The following C10orf90 variants were observed in gnomAD, a reference collection of about 807,000 sequenced individuals.
C10orf90 encodes the protein chromosome 10 open reading frame 90.
Under a neutral mutation model 62.5 loss-of-function variants are expected in C10orf90, and 56 were observed. That is an observed-to-expected ratio of 0.90 (90% CI 0.72 to 1.12). The LOEUF (loss-of-function observed/expected upper bound fraction) is 1.12. Ranked by LOEUF, C10orf90 falls within the 50% of genes most tolerant of loss-of-function variation. The probability of loss-of-function intolerance (pLI) is 0.00; values close to 1 mark genes in which losing one functional copy is unlikely to be tolerated. For synonymous variants in C10orf90, 386 were observed against 340.4 expected (o/e 1.13, Z -1.47); for missense variants, 970 against 880.4 (o/e 1.10, Z -1.29).
chr10:126,564,855 TAAAA>T (rs1322210647), intron 2 of C10orf90, among the ~76,000 whole-genome samples: 2 of 23,330 alleles, frequency 8.6e-5, no homozygotes, highest in Admixed American at 1.2e-3. Flanking sequence ...ATATATTATA[TAAAA>T]TATATATTAT....
intron 4 of C10orf90, among the ~76,000 whole-genome samples, chr10:126,469,507 G>A (rs999514020): frequency 6.6e-6 from 1 of 152,106 alleles, no homozygotes; most frequent in African/African-American, 2.4e-5. Context: ...TGCAGAATCT[G>A]GGCCATCTTA....
At chr10:126,429,080 C>A (rs1182685579) in intron 8 of C10orf90, among the ~76,000 whole-genome samples, 3 of 152,138 alleles carry the variant, frequency 2.0e-5, no homozygotes, top group Non-Finnish European at 2.9e-5. Flanking sequence ...CCTCCCTGTG[C>A]TAGACACTTT....
At chr10:126,436,042 G>A (rs1019177951) in intron 7 of C10orf90, among the ~76,000 whole-genome samples, 7 of 152,184 alleles carry the variant, frequency 4.6e-5, no homozygotes, top group African/African-American at 1.7e-4. Flanking sequence ...GAACTGCTAA[G>A]GAAGGCTGGC....
intron 2 of C10orf90, among the ~76,000 whole-genome samples, chr10:126,592,419 C>T (rs1844999637): frequency 1.3e-5 from 2 of 152,152 alleles, no homozygotes; most frequent in South Asian, 4.1e-4. Flanking sequence ...CCTTTGAAAA[C>T]CTGACAAAAA....
At chr10:126,633,613 C>T (rs975005983) in intron 2 of C10orf90, among the ~76,000 whole-genome samples, 1 of 152,208 alleles carries the variant, frequency 6.6e-6, no homozygotes, top group Non-Finnish European at 1.5e-5. Context: ...GTGCATGTTA[C>T]TAGCAAGCGG....
rs553223349 is a variant in C10orf90, at chr10:126,509,161, C to T, written c.406-4076G>A. Among the ~76,000 whole-genome samples, 225 of 152,262 alleles carry T rather than the reference C, an allele frequency of 1.5e-3. 2 individuals are homozygous for T. The highest frequency in any genetic ancestry group is 4.8e-3 in the South Asian group (23 of 4,816). On this transcript the variant is annotated intron_variant, in intron 3 of 9. Coordinates refer to ENST00000488181, the MANE Select transcript of C10orf90 (RefSeq NM_001350921.2). ...GAGTTTTGACTCTATCAGATGTGAA[C>T]GGATGAGGGAAGAGCAATCATGAAT...
At chr10:126,497,020 G>A (rs1862097864) in intron 4 of C10orf90, among the ~76,000 whole-genome samples, 2 of 152,220 alleles carry the variant, frequency 1.3e-5, no homozygotes, top group African/African-American at 4.8e-5. Context: ...AGGAGACCAG[G>A]TCTGAGTTAT....
chr10:126,661,779 G>A (rs1355138025), intron 1 of C10orf90, among the ~76,000 whole-genome samples: 1 of 151,448 alleles, frequency 6.6e-6, no homozygotes, highest in African/African-American at 2.4e-5. Context: ...ATTTTAGATA[G>A]TGTCATTTTT....
chr10:126,448,017 CTTTTTTTTTTTTT>C (rs1186409126), intron 7 of C10orf90, among the ~76,000 whole-genome samples: 2 of 79,202 alleles, frequency 2.5e-5, no homozygotes, highest in African/African-American at 5.2e-5. Flanking sequence ...ATGCCTGGCT[CTTTTTTTTTTTTT>C]TTTTTTTTTT....
chr10:126,526,627 T>C (rs956901314), intron 2 of C10orf90, among the ~76,000 whole-genome samples: 1 of 152,060 alleles, frequency 6.6e-6, no homozygotes, highest in African/African-American at 2.4e-5. Context: ...AATTCCGTGG[T>C]TTTTGTATAT....
intron 2 of C10orf90, among the ~76,000 whole-genome samples, chr10:126,565,700 G>C (rs1407276996): frequency 6.6e-6 from 1 of 151,844 alleles, no homozygotes; most frequent in South Asian, 2.1e-4. Flanking sequence ...ATGAAAAGAG[G>C]CCATCCCCAT....
intron 2 of C10orf90, among the ~76,000 whole-genome samples, chr10:126,631,365 GT>G (rs1564900512): frequency 6.6e-6 from 1 of 152,080 alleles, no homozygotes; most frequent in Non-Finnish European, 1.5e-5. Context: ...TCCTCAAAAC[GT>G]TTGCAGATCC....
At chr10:126,514,102 T>G (rs1035477007) in intron 2 of C10orf90, among the ~76,000 whole-genome samples, 163 bp from the exon 3 acceptor site, 2 of 152,236 alleles carry the variant, frequency 1.3e-5, no homozygotes, top group African/African-American at 4.8e-5. Flanking sequence ...ACTTCTCTTA[T>G]TTCATGCCCT....
At chr10:126,522,132 A>T (rs567164916) in intron 2 of C10orf90, among the ~76,000 whole-genome samples, 1 of 152,268 alleles carries the variant, frequency 6.6e-6, no homozygotes, top group South Asian at 2.1e-4. Flanking sequence ...GCCAGGCATG[A>T]TGGCGCATGC....
intron 2 of C10orf90, among the ~76,000 whole-genome samples, chr10:126,550,112 C>A (rs1476597648): frequency 6.6e-6 from 1 of 152,036 alleles, no homozygotes; most frequent in Non-Finnish European, 1.5e-5. Context: ...CCCGCCACCA[C>A]GCCTGGCTAA....
intron 2 of C10orf90, among the ~76,000 whole-genome samples, chr10:126,621,372 A>T (rs923635095): frequency 6.6e-6 from 1 of 152,214 alleles, no homozygotes; most frequent in Non-Finnish European, 1.5e-5. Context: ...ATCAATTTGT[A>T]TGACACTTAA....
intron 7 of C10orf90, among the ~76,000 whole-genome samples, chr10:126,433,230 TA>T (rs1857695255): frequency 6.6e-6 from 1 of 152,124 alleles, no homozygotes; most frequent in African/African-American, 2.4e-5. Context: ...TCCTTGGTGC[TA>T]AGCGATAGGG....
At chr10:126,668,934 GT>G (rs1457367605) in intron 1 of C10orf90, among the ~76,000 whole-genome samples, 5 of 152,212 alleles carry the variant, frequency 3.3e-5, no homozygotes, top group Non-Finnish European at 5.9e-5. Context: ...AATCAGTGAA[GT>G]TTTATATACG....
At chr10:126,489,719 T>G (rs1485404840) in intron 4 of C10orf90, among the ~76,000 whole-genome samples, 1 of 151,646 alleles carries the variant, frequency 6.6e-6, no homozygotes, top group African/African-American at 2.4e-5. Flanking sequence ...AATTCCACAT[T>G]GGGGCATATA....
Sources: allele counts gnomAD v4.1 joint callset (sites outside exome capture counted in the v4.1 genomes callset), GRCh38; gene constraint gnomAD v4.1.1; transcripts MANE v1.5; gene names NCBI Gene and HGNC (gene_info 2026-07-23, HGNC 2026-07-21).